Variants in LLGL2 observed in about 807,000 individuals in gnomAD.
LLGL2 encodes LLGL scribble cell polarity complex component 2.
LLGL2 carries 81 observed loss-of-function variants against 123.2 expected under a neutral mutation model. The ratio of observed to expected loss-of-function variants is 0.66; its 90% CI spans 0.55 to 0.79. The LOEUF (loss-of-function observed/expected upper bound fraction) is 0.79. Ranked by LOEUF, LLGL2 falls within the 30% of genes least tolerant of loss-of-function variation. LLGL2 has a pLI of 0.00. For synonymous variants in LLGL2, 577 were observed against 594.1 expected (o/e 0.97, Z 0.42); for missense variants, 1,273 against 1,414.6 (o/e 0.90, Z 1.61).
chr17:75,541,736 T>C, intron 1 of LLGL2, among the ~76,000 whole-genome samples: 1 of 143,116 alleles, frequency 7.0e-6, no homozygotes, highest in African/African-American at 2.6e-5. Context: ...TTTTTTTTTT[T>C]TTTTTTTTTT....
chr17:75,547,263 A>G (rs1258832491), intron 2 of LLGL2, among the ~76,000 whole-genome samples: 1 of 152,216 alleles, frequency 6.6e-6, no homozygotes, highest in African/African-American at 2.4e-5. Context: ...CTCTGCCAGG[A>G]ACTGGCTGTC....
chr17:75,563,613 G>A, intron 8 of LLGL2, 139 bp from the exon 9 acceptor site: 1 of 1,473,856 alleles, frequency 6.8e-7, no homozygotes, highest in South Asian at 1.2e-5. Context: ...CCAGTTTCTT[G>A]GGGAACTTCT....
In LLGL2 at chr17:75,559,025, C is replaced by T. The variant is rs1598597286; in HGVS notation, c.372-227C>T. ...CACCCCGCCTCCTCCATCCGCACCC[C>T]GTGTTATGCTGGAGGGTCCCTGGCG... On this transcript the variant is annotated intron_variant, in intron 5 of 25. Transcript: ENST00000392550. The surrounding 1 kb of genome is among the most constrained non-coding windows in gnomAD (Gnocchi z 4.6). The T allele has an allele frequency of 5.0e-6, 3 of 600,852 alleles. No homozygotes were observed. Among genetic ancestry groups the T allele is most frequent in the East Asian group, 5.6e-5 (2 of 35,702 alleles). 37.2% of individuals were successfully genotyped at this position (600,852 alleles called of 1,614,324 possible). A position where few individuals can be genotyped will look rare whatever the true frequency, so the allele number is the denominator to read the frequency against.
upstream of LLGL2, among the ~76,000 whole-genome samples, chr17:75,525,327 C>T (rs566003699): frequency 8.5e-5 from 13 of 152,154 alleles, no homozygotes; most frequent in South Asian, 2.7e-3. This position sits in a 1 kb window ranked among gnomAD's most constrained non-coding sequence, Gnocchi z 4.8. Flanking sequence ...TGGCCCGGAT[C>T]CGCCCCTCCC....
chr17:75,539,807 C>A (rs2054141957), intron 1 of LLGL2, among the ~76,000 whole-genome samples: 1 of 151,428 alleles, frequency 6.6e-6, no homozygotes, highest in African/African-American at 2.4e-5. Flanking sequence ...GGGGTTTCAC[C>A]ATGTTGACCC....
At chr17:75,568,369 C>T in intron 10 of LLGL2, 107 bp from the exon 11 acceptor site, 1 of 1,472,310 alleles carries the variant, frequency 6.8e-7, no homozygotes, top group Middle Eastern at 2.5e-4. Context: ...AAGAACAGGG[C>T]TTTCTGGATC....
rs754117890 is a variant in LLGL2, at chr17:75,568,579, T to C, written c.1140T>C (p.Ala380=). The change falls in exon 11 of 26, where the codon GCT becomes GCC. Residue 380 remains alanine, a synonymous_variant. Transcript: ENST00000392550. ...CACCGGTCCAGCTGCCCTACCTGGC[T>C]TCTCTGCACTGTTCCGCCATCACCT... The part of the protein sequence containing the change: ...GWPPVQLPYL[A]SLHCSAITCS... 1 of 1,613,964 alleles carries C rather than the reference T, an allele frequency of 6.2e-7. No homozygotes were observed. The highest frequency in any genetic ancestry group is 1.7e-5 in the Admixed American group (1 of 60,030).
At chr17:75,532,464 C>T (rs1344677688) in intron 1 of LLGL2, 1 of 152,218 alleles carries the variant, frequency 6.6e-6, no homozygotes, top group South Asian at 2.1e-4. Flanking sequence ...CGCTCTGTCG[C>T]CCAGGCAGCA....
rs148701538 is a variant in LLGL2 at position 75,569,142 on chromosome 17, G to C, written c.1476+11G>C. 6.2e-7 allele frequency: 1 copy of C among 1,613,300 alleles called. No individual in the cohort carries two copies. The highest frequency in any genetic ancestry group is 1.1e-5 in the South Asian group (1 of 91,058). ...CCCCCACTCCGCAAGGTGAGGCCAGGAGCCTGGGACCCAGGAAGGGCAGAG... is the reference window on the plus strand; with the variant it reads ...CCCCCACTCCGCAAGGTGAGGCCAGCAGCCTGGGACCCAGGAAGGGCAGAG... On this transcript the variant is annotated intron_variant, in intron 13 of 25. Coordinates refer to ENST00000392550, the MANE Select transcript of LLGL2 (RefSeq NM_001031803.2).
rs2055019322 is a variant in LLGL2, at chr17:75,558,453, T to C, written c.256-59T>C. The C allele has an allele frequency of 1.4e-6, 2 of 1,415,964 alleles. No individual in the cohort carries two copies. Among genetic ancestry groups the C allele is most frequent in the Non-Finnish European group, 1.9e-6 (2 of 1,030,206 alleles). 87.7% of individuals were successfully genotyped at this position (1,415,964 alleles called of 1,614,324 possible). Reference sequence around the variant, plus strand: ...AACAACTGGGGCTGCGTGGCCCCAGTGTGTAAAGGCCTTGCCTGGGTAGCA... The same window carrying C: ...AACAACTGGGGCTGCGTGGCCCCAGCGTGTAAAGGCCTTGCCTGGGTAGCA... On this transcript the variant is annotated intron_variant, in intron 4 of 25. Transcript: ENST00000392550. The surrounding 1 kb of genome is among the most constrained non-coding windows in gnomAD (Gnocchi z 4.0).
intron 1 of LLGL2, among the ~76,000 whole-genome samples, chr17:75,536,349 G>A (rs752902847): frequency 8.5e-5 from 13 of 152,184 alleles, no homozygotes; most frequent in Admixed American, 3.9e-4. Context: ...GCACCTGAGA[G>A]TTTGCCAAGC....
chr17:75,535,932 G>T (rs62088475), intron 1 of LLGL2, among the ~76,000 whole-genome samples: 2 of 152,332 alleles, frequency 1.3e-5, no homozygotes, highest in South Asian at 4.1e-4. Context: ...GAAACAGGTC[G>T]ATCAGCTGCC....
At chr17:75,535,213 C>T (rs71382171) in intron 1 of LLGL2, among the ~76,000 whole-genome samples, 110 of 152,252 alleles carry the variant, frequency 7.2e-4, no homozygotes, top group Non-Finnish European at 8.4e-4. Flanking sequence ...GGTGCAGGGG[C>T]GGATTCACAT....
In LLGL2 at chr17:75,573,019, C is replaced by G; in HGVS notation, c.2466C>G (p.Phe822Leu). Residue 822 changes from phenylalanine to leucine, a missense_variant, in exon 20 of 26, where the codon TTC becomes TTG. Phe to Leu is a conservative substitution (Grantham distance 22). Coordinates refer to ENST00000392550, the MANE Select transcript of LLGL2 (RefSeq NM_001031803.2). ...CAACCACCCCACGCCCCCAGGTGTT[C>G]ACGCTGCCCAAGGTGAGTGCCAAGC... is the stretch of plus-strand genomic sequence containing the variant. ...LVVSEEQFKVFTLPKVSAKLK... is the reference protein window; with the variant it reads ...LVVSEEQFKVLTLPKVSAKLK... 2 of 1,602,782 alleles carry G rather than the reference C, an allele frequency of 1.2e-6. No homozygotes were observed. The highest frequency in any genetic ancestry group is 8.5e-7 in the Non-Finnish European group (1 of 1,172,188).
chr17:75,526,015 C>A (rs866306702), intron 1 of LLGL2, among the ~76,000 whole-genome samples, 190 bp downstream of exon 1: 1 of 152,138 alleles, frequency 6.6e-6, no homozygotes, highest in Admixed American at 6.5e-5. Flanking sequence ...GTAGAAAGTT[C>A]TGCGGGAAAC....
In LLGL2 at chr17:75,559,324, C is replaced by G. The variant is rs150350305; in HGVS notation, c.444C>G (p.Thr148=). The G allele has an allele frequency of 2.5e-6, 4 of 1,613,480 alleles. No individual in the cohort carries two copies. Among genetic ancestry groups the G allele is most frequent in the Non-Finnish European group, 3.4e-6 (4 of 1,179,986 alleles). Residue 148 remains threonine, a synonymous_variant, in exon 6 of 26, where the codon ACC becomes ACG. Coordinates refer to ENST00000392550, the MANE Select transcript of LLGL2 (RefSeq NM_001031803.2). The surrounding 1 kb of genome is among the most constrained non-coding windows in gnomAD (Gnocchi z 4.6). ...HSSCELLYLG[T]ESGNVFVVQL... is the part of the protein sequence containing the mutation. Reference sequence around the variant, plus strand: ...CCTGCGAGCTGCTCTACCTGGGCACCGAGAGTGGCAACGTGTTTGTGGTGC... The same window carrying G: ...CCTGCGAGCTGCTCTACCTGGGCACGGAGAGTGGCAACGTGTTTGTGGTGC...
At chr17:75,543,305 GGA>G (rs970193784) in intron 1 of LLGL2, 90 bp from the exon 2 acceptor site, 45 of 849,386 alleles carry the variant, frequency 5.3e-5, no homozygotes, top group Non-Finnish European at 7.6e-5. Context: ...TACTGGACTT[GGA>G]GAGAGAGGCC....
At chr17:75,545,492 G>C (rs2054383983) in intron 2 of LLGL2, among the ~76,000 whole-genome samples, 1 of 152,090 alleles carries the variant, frequency 6.6e-6, no homozygotes, top group Non-Finnish European at 1.5e-5. Context: ...TTCAGGAGCG[G>C]GGTAGACTCA....
At chr17:75,569,155 A>AG (rs749605554) in intron 13 of LLGL2, 24 bp downstream of exon 13, 2 of 1,612,944 alleles carry the variant, frequency 1.2e-6, no homozygotes, top group Admixed American at 3.3e-5. Context: ...CCTGGGACCC[A>AG]GGAAGGGCAG....
Sources: allele counts gnomAD v4.1 joint callset (sites outside exome capture counted in the v4.1 genomes callset), GRCh38; gene constraint gnomAD v4.1.1; non-coding constraint Gnocchi (gnomAD v3.1); transcripts MANE v1.5; gene names NCBI Gene and HGNC (gene_info 2026-07-23, HGNC 2026-07-21).